Variants in FAR1 observed in about 807,000 individuals in gnomAD.
The protein encoded by FAR1 is male sterility domain-containing protein 2.
FAR1 carries 22 observed loss-of-function variants against 61.1 expected under a neutral mutation model. That is an observed-to-expected ratio of 0.36 (90% confidence interval 0.26 to 0.51). The LOEUF is 0.51. Ranked by LOEUF, FAR1 falls within the 20% of genes least tolerant of loss-of-function variation. The probability of loss-of-function intolerance (pLI) is 0.95; values close to 1 mark genes in which losing one functional copy is unlikely to be tolerated. For missense variants in FAR1, 359 were observed against 626.9 expected (o/e 0.57, Z 4.56); for synonymous variants, 206 against 209.7 (o/e 0.98, Z 0.15).
intron 7 of FAR1, among the ~76,000 whole-genome samples, chr11:13,712,256 T>C (rs570992884): frequency 3.7e-4 from 56 of 151,678 alleles, no homozygotes; most frequent in African/African-American, 1.3e-3. Context: ...AATGCTCATG[T>C]ATTACTTACA....
At chr11:13,719,486 A>G (rs914658399) in intron 9 of FAR1, among the ~76,000 whole-genome samples, 14 of 152,202 alleles carry the variant, frequency 9.2e-5, no homozygotes, top group African/African-American at 3.4e-4. Flanking sequence ...GATGTCAGTC[A>G]TGTCATTCAT....
At chr11:13,723,300 G>A in intron 10 of FAR1, 1 of 361,796 alleles carries the variant, frequency 2.8e-6, no homozygotes, top group Admixed American at 3.8e-5. Context: ...GGGAGGTCAA[G>A]GCTGCAGTGA....
At chr11:13,688,951 A>G (rs913615929) in intron 1 of FAR1, among the ~76,000 whole-genome samples, 8 of 152,070 alleles carry the variant, frequency 5.3e-5, no homozygotes, top group Non-Finnish European at 7.3e-5. Flanking sequence ...TTGAACTTCA[A>G]TGCTCTGTAG....
At chr11:13,712,347 G>C (rs1458176192) in intron 7 of FAR1, among the ~76,000 whole-genome samples, 2 of 150,884 alleles carry the variant, frequency 1.3e-5, no homozygotes, top group Non-Finnish European at 3.0e-5. Flanking sequence ...ACTAAAACTT[G>C]TTGAATATAT....
At chr11:13,708,962 C>T (rs529367462) in intron 4 of FAR1, among the ~76,000 whole-genome samples, 3 of 152,284 alleles carry the variant, frequency 2.0e-5, no homozygotes, top group African/African-American at 7.2e-5. Context: ...TCATTTGCTG[C>T]AGCTCAGGCT....
At position 13,721,944 on chromosome 11, in the gene FAR1, C is replaced by T. The variant is rs1848613754; in HGVS notation, c.1257+85C>T. On this transcript the variant is annotated intron_variant, in intron 10 of 11. Transcript: ENST00000354817. The surrounding 1 kb of genome is among the most constrained non-coding windows in gnomAD (Gnocchi z 4.2). ...TTAGCAACCTGAGAAATATTTTCCA[C>T]AGCTATTATGCAACAAGTAAGCCAT... The T allele has an allele frequency of 8.9e-7, 1 of 1,126,726 alleles. No individual in the cohort carries two copies. Among genetic ancestry groups the T allele is most frequent in the Middle Eastern group, 2.2e-4 (1 of 4,546 alleles). The allele number at this position is 1,126,726 out of a possible 1,614,324, so 69.8% of individuals were successfully genotyped here.
At chr11:13,722,349 A>T (rs1002145982) in intron 10 of FAR1, among the ~76,000 whole-genome samples, 6 of 152,172 alleles carry the variant, frequency 3.9e-5, no homozygotes. Flanking sequence ...AAGTTAAGCA[A>T]TATTTATAGC....
rs546142959 is a variant in FAR1, at chr11:13,697,984, T to C, written c.190-2333T>C. Among the ~76,000 whole-genome samples the C allele has an allele frequency of 1.2e-4, 18 of 152,224 alleles. No homozygotes were observed. In the South Asian group the frequency reaches 3.7e-3, roughly 32 times the overall value. On this transcript the variant is annotated intron_variant, in intron 2 of 11. Transcript: ENST00000354817. ...TATAGTTAGGATCTTGTGTCCTTATTATTGCTGTTACCTGGATAAACTCTT... is the reference window on the plus strand; with the variant it reads ...TATAGTTAGGATCTTGTGTCCTTATCATTGCTGTTACCTGGATAAACTCTT...
At chr11:13,727,299 T>C (rs1848677367) in intron 10 of FAR1, among the ~76,000 whole-genome samples, 1 of 152,020 alleles carries the variant, frequency 6.6e-6, no homozygotes, top group African/African-American at 2.4e-5. Flanking sequence ...TTTCTTCTTA[T>C]ATTTAACCTA....
intron 8 of FAR1, among the ~76,000 whole-genome samples, chr11:13,713,449 A>G (rs923723954): frequency 1.3e-5 from 2 of 152,178 alleles, no homozygotes; most frequent in African/African-American, 4.8e-5. Flanking sequence ...TGAAGGAGTT[A>G]GGAAGTAGGA....
chr11:13,678,455 G>A (rs1448422991), intron 1 of FAR1, among the ~76,000 whole-genome samples: 2 of 151,998 alleles, frequency 1.3e-5, no homozygotes, highest in Non-Finnish European at 2.9e-5. Flanking sequence ...TAGTAGAGAC[G>A]GGGTTTCACC....
At chr11:13,701,095 T>A (rs1303827187) in intron 3 of FAR1, among the ~76,000 whole-genome samples, 1 of 152,108 alleles carries the variant, frequency 6.6e-6, no homozygotes, top group African/African-American at 2.4e-5. Flanking sequence ...TTTCAAATAA[T>A]GGTTCTGAAT....
At chr11:13,690,659 T>A (rs555041521) in intron 1 of FAR1, among the ~76,000 whole-genome samples, 1 of 152,338 alleles carries the variant, frequency 6.6e-6, no homozygotes, top group South Asian at 2.1e-4. Flanking sequence ...TCTCAATATA[T>A]GGTAATGTAA....
At chr11:13,674,030 G>A (rs577796790) in intron 1 of FAR1, among the ~76,000 whole-genome samples, 69 of 152,180 alleles carry the variant, frequency 4.5e-4, no homozygotes, top group African/African-American at 1.5e-3. Context: ...ATTCAAATTG[G>A]GCCGGGTGCG....
At position 13,671,374 on chromosome 11, in the gene FAR1, A is replaced by G. The variant is rs147362798; in HGVS notation, c.-8+2568A>G. Among the ~76,000 whole-genome samples the G allele has an allele frequency of 5.9e-5, 9 of 152,348 alleles. No individual in the cohort carries two copies. The East Asian group carries it at 1.7e-3, about 29-fold the overall frequency. ...CGAATGAAGATTTAGGGGTTTGGAA[A>G]TCAACCAAGGCTATGTTGCAGCTTA... On this transcript the variant is annotated intron_variant, in intron 1 of 11. Coordinates refer to ENST00000354817, the MANE Select transcript of FAR1 (RefSeq NM_032228.6).
chr11:13,722,239 T>C (rs1000740599), intron 10 of FAR1, among the ~76,000 whole-genome samples: 2 of 152,158 alleles, frequency 1.3e-5, no homozygotes, highest in Non-Finnish European at 2.9e-5. Flanking sequence ...CTTTTTGTTA[T>C]TCCACATTTT....
chr11:13,702,835 G>C (rs551104433), intron 3 of FAR1, among the ~76,000 whole-genome samples: 1 of 152,298 alleles, frequency 6.6e-6, no homozygotes, highest in Admixed American at 6.5e-5. Context: ...TTTACAAGGA[G>C]GACCAAAGTA....
rs762226437 is a variant in FAR1 at position 13,711,922 on chromosome 11, A to G, written c.769-6A>G. On this transcript the variant is annotated splice_region_variant and splice_polypyrimidine_tract_variant and intron_variant, in intron 6 of 11. Coordinates refer to ENST00000354817, the MANE Select transcript of FAR1 (RefSeq NM_032228.6). ...TCTTAAGGTGTTGTTTTTAATTTCA[A>G]CAAAGGCAGGGAAAGGAATTCTTCG... 2 of 1,611,834 alleles carry G rather than the reference A, an allele frequency of 1.2e-6. No homozygotes were observed. The highest frequency in any genetic ancestry group is 1.7e-5 in the Admixed American group (1 of 59,968).
Position 13,695,650 on chromosome 11 carries a change from C to T in FAR1, c.189+696C>T, listed in dbSNP as rs553004842. On this transcript the variant is annotated intron_variant, in intron 2 of 11. Transcript: ENST00000354817. ...GCAGGCATATCTCAAAAAGGAATTT[C>T]AAGTAGAGCATTTATTTTACAATTA... is the stretch of plus-strand genomic sequence containing the variant. Among the ~76,000 whole-genome samples the T allele has an allele frequency of 2.0e-5, 3 of 152,268 alleles. No homozygotes were observed. The East Asian group carries it at 5.8e-4, about 29-fold the overall frequency.
Sources: allele counts gnomAD v4.1 joint callset (sites outside exome capture counted in the v4.1 genomes callset), GRCh38; gene constraint gnomAD v4.1.1; non-coding constraint Gnocchi (gnomAD v3.1); transcripts MANE v1.5; gene names NCBI Gene and HGNC (gene_info 2026-07-23, HGNC 2026-07-21).